The following RIPOR3 variants were observed in gnomAD, a reference collection of about 807,000 sequenced individuals.
RIPOR3 encodes the protein family with sequence similarity 65 member C.
A neutral mutation model predicts 114.3 loss-of-function variants in RIPOR3; 95 were observed. That is an observed-to-expected ratio of 0.83 (90% CI 0.70 to 0.99). The LOEUF (loss-of-function observed/expected upper bound fraction) is 0.99. RIPOR3 is among the 50% of genes least tolerant of loss of function. RIPOR3 has a pLI of 0.00. For synonymous variants in RIPOR3, 575 were observed against 543.8 expected, an observed-to-expected ratio of 1.06 and a Z score of -0.80; for missense variants, 1,252 against 1,266.9, an observed-to-expected ratio of 0.99 and a Z score of 0.18.
chr20:50,602,760 T>C lies in RIPOR3; in HGVS notation c.1087-116A>G. ...TGCATGCCCATGTTCTCAGGATGAC[T>C]GAGGCCTGCCGAGGTGACCAGCATC... is the stretch of plus-strand genomic sequence containing the variant. On this transcript the variant is annotated intron_variant, in intron 12 of 21. Transcript: ENST00000327979. This position sits in a 1 kb window ranked among gnomAD's most constrained non-coding sequence, Gnocchi z 4.3. 1.3e-6 allele frequency: 1 copy of C among 746,928 alleles called. No homozygotes were observed. Among genetic ancestry groups the C allele is most frequent in the Non-Finnish European group, 1.9e-6 (1 of 530,606 alleles). The allele number at this position is 746,928 out of a possible 1,614,324, so 46.3% of individuals were successfully genotyped here.
At chr20:50,680,419 A>G (rs2086820491) in intron 1 of RIPOR3, among the ~76,000 whole-genome samples, 1 of 152,242 alleles carries the variant, frequency 6.6e-6, no homozygotes, top group Non-Finnish European at 1.5e-5. Flanking sequence ...AACAGAACTC[A>G]AGTCTGGGCA....
intron 1 of RIPOR3, among the ~76,000 whole-genome samples, chr20:50,684,302 C>A (rs193150157): frequency 6.6e-6 from 1 of 152,140 alleles, no homozygotes; most frequent in Non-Finnish European, 1.5e-5. Flanking sequence ...TAAAGACCTG[C>A]GCGATATGAA....
intron 1 of RIPOR3, among the ~76,000 whole-genome samples, chr20:50,647,285 A>G (rs67910105): frequency 0.12 from 17,625 of 151,796 alleles, 1,171 homozygotes; most frequent in East Asian, 0.2. Flanking sequence ...GCATCACTGT[A>G]CTCCAGCCTA....
intron 17 of RIPOR3, among the ~76,000 whole-genome samples, chr20:50,594,201 G>A (rs899227715): frequency 8.6e-5 from 13 of 151,842 alleles, no homozygotes; most frequent in Non-Finnish European, 1.5e-4. Flanking sequence ...GCTTGAACCC[G>A]GGAGGTAGAG....
chr20:50,603,035 C>G (rs2083564481), intron 12 of RIPOR3, among the ~76,000 whole-genome samples: 1 of 152,220 alleles, frequency 6.6e-6, no homozygotes, highest in African/African-American at 2.4e-5. Context: ...AGAACCCTGT[C>G]CTGGACAGCC....
In RIPOR3 at chr20:50,607,312, G is replaced by A. The variant is rs570474393; in HGVS notation, c.956+1077C>T. Among the ~76,000 whole-genome samples the A allele has an allele frequency of 4.6e-5, 7 of 152,320 alleles. No homozygotes were observed. The East Asian group carries it at 1.4e-3, about 29-fold the overall frequency. On this transcript the variant is annotated intron_variant, in intron 11 of 21. Transcript: ENST00000327979. Reference sequence around the variant, plus strand: ...ATGCACAGGGAAGGGTGGGAATCCAGGCGAGCGCATGGGAGCACCGAGGCA... The same window carrying A: ...ATGCACAGGGAAGGGTGGGAATCCAAGCGAGCGCATGGGAGCACCGAGGCA...
chr20:50,654,302 C>G (rs6012988), intron 1 of RIPOR3, among the ~76,000 whole-genome samples: 129,237 of 151,626 alleles, frequency 0.85, 55,716 homozygotes, highest in East Asian at 0.97. Context: ...AAGTAGTTGG[C>G]ACTACAGGTG....
At chr20:50,615,278 C>T (rs928955995) in intron 4 of RIPOR3, among the ~76,000 whole-genome samples, 2 of 152,064 alleles carry the variant, frequency 1.3e-5, no homozygotes, top group South Asian at 4.2e-4. Flanking sequence ...AATCCCAGCA[C>T]TTTGGGAGGC....
rs572210862 is a variant in RIPOR3 at position 50,639,106 on chromosome 20, G to A, written c.4-8250C>T. Among the ~76,000 whole-genome samples, 47 of 152,182 alleles carry A rather than the reference G, an allele frequency of 3.1e-4. No individual in the cohort carries two copies. In the South Asian group the frequency reaches 5.0e-3, roughly 16 times the overall value. ...AAAACACAGAAATTAGCCAGGTGTC[G>A]TGGTGCATGCCTGTAATCCCAGCTA... is the stretch of plus-strand genomic sequence containing the variant. On this transcript the variant is annotated intron_variant, in intron 1 of 21. Coordinates refer to ENST00000327979, the MANE Select transcript of RIPOR3 (RefSeq NM_001290268.2).
chr20:50,642,763 C>G (rs2085250707), intron 1 of RIPOR3, among the ~76,000 whole-genome samples: 1 of 152,042 alleles, frequency 6.6e-6, no homozygotes, highest in African/African-American at 2.4e-5. Flanking sequence ...AAAAATCCAT[C>G]AGAGGCCAGG....
chr20:50,593,541 A>C (rs891286941), intron 17 of RIPOR3, among the ~76,000 whole-genome samples: 12 of 152,136 alleles, frequency 7.9e-5, no homozygotes, highest in African/African-American at 2.4e-4. Context: ...ACTGCATTCC[A>C]GTCTGGGCAA....
intron 1 of RIPOR3, among the ~76,000 whole-genome samples, chr20:50,653,627 G>C (rs2085699928): frequency 6.7e-6 from 1 of 148,510 alleles, no homozygotes; most frequent in Non-Finnish European, 1.5e-5. Flanking sequence ...GTCTCCCTCT[G>C]TTGTCCATGC....
At chr20:50,690,041 T>G (rs1334460904) in intron 1 of RIPOR3, among the ~76,000 whole-genome samples, 3 of 152,186 alleles carry the variant, frequency 2.0e-5, no homozygotes, top group Non-Finnish European at 4.4e-5. Context: ...TGACTTTATC[T>G]GTCTCTTATC....
intron 1 of RIPOR3, among the ~76,000 whole-genome samples, chr20:50,642,946 G>A (rs2085258899): frequency 6.6e-6 from 1 of 152,006 alleles, no homozygotes; most frequent in Admixed American, 6.6e-5. Flanking sequence ...TACTCAGGAG[G>A]CTGAGGCAGG....
intron 6 of RIPOR3, 114 bp downstream of exon 6, chr20:50,610,739 C>T: frequency 1.4e-6 from 2 of 1,414,580 alleles, no homozygotes; most frequent in Non-Finnish European, 2.0e-6. Flanking sequence ...GCCCCATACC[C>T]AGAGGCCCTG....
chr20:50,608,904 G>A lies in RIPOR3; in HGVS notation c.684+8C>T, dbSNP rs2123054817. The A allele has an allele frequency of 6.3e-7, 1 of 1,597,196 alleles. No individual in the cohort carries two copies. The highest frequency in any genetic ancestry group is 2.3e-5 in the East Asian group (1 of 44,254). Reference sequence around the variant, plus strand: ...GCCCTGAGGATTGACCCCAGAGAGTGGCCGTACCTCATAGTGGTCTCCGGG... The same window carrying A: ...GCCCTGAGGATTGACCCCAGAGAGTAGCCGTACCTCATAGTGGTCTCCGGG... On this transcript the variant is annotated splice_region_variant and intron_variant, in intron 9 of 21. Transcript: ENST00000327979.
intron 1 of RIPOR3, among the ~76,000 whole-genome samples, chr20:50,659,230 G>T (rs1048983040): frequency 1.3e-5 from 2 of 152,174 alleles, no homozygotes; most frequent in African/African-American, 4.8e-5. Flanking sequence ...CCTGATGGTG[G>T]ACACATGTGC....
In RIPOR3 at chr20:50,665,596, A is replaced by G. The variant is rs551325477; in HGVS notation, c.3+25530T>C. Among the ~76,000 whole-genome samples the G allele has an allele frequency of 3.3e-5, 5 of 151,694 alleles. No homozygotes were observed. In the East Asian group the frequency reaches 9.8e-4, roughly 30 times the overall value. On this transcript the variant is annotated intron_variant, in intron 1 of 21. Coordinates refer to ENST00000327979, the MANE Select transcript of RIPOR3 (RefSeq NM_001290268.2). ...CCACGACACTGGGCTAATTTTTTGT[A>G]TCTTTAGTAGAGATGGGGTTTCCTC...
chr20:50,690,754 ATACT>A (rs1266284268), intron 1 of RIPOR3, among the ~76,000 whole-genome samples: 1 of 152,142 alleles, frequency 6.6e-6, no homozygotes, highest in Non-Finnish European at 1.5e-5. Context: ...GACACCAATA[ATACT>A]TACCCTGCAG....
Sources: allele counts gnomAD v4.1 joint callset (sites outside exome capture counted in the v4.1 genomes callset), GRCh38; gene constraint gnomAD v4.1.1; non-coding constraint Gnocchi (gnomAD v3.1); transcripts MANE v1.5; gene names NCBI Gene and HGNC (gene_info 2026-07-23, HGNC 2026-07-21).